NDE1: variants seen among roughly 807,000 people sequenced by gnomAD.
The protein encoded by NDE1 is nudE neurodevelopment protein 1, also known as nuclear distribution protein nudE homolog 1.
Under a neutral mutation model 43.4 loss-of-function variants are expected in NDE1, and 28 were observed. That is an observed-to-expected ratio of 0.65 (90% confidence interval 0.48 to 0.89). NDE1 has a LOEUF of 0.89. NDE1 is among the 40% of genes least tolerant of loss of function. NDE1 has a pLI of 0.00. For synonymous variants in NDE1, 184 were observed against 172.0 expected, an observed-to-expected ratio of 1.07 and a Z score of -0.55; for missense variants, 441 against 434.1, an observed-to-expected ratio of 1.02 and a Z score of -0.14.
intron 1 of NDE1, among the ~76,000 whole-genome samples, chr16:15,660,004 C>T (rs1261511348): frequency 6.6e-6 from 1 of 152,070 alleles, no homozygotes; most frequent in East Asian, 1.9e-4. Context: ...GCCTCGGCCT[C>T]CCAAAGTGCT....
chr16:15,670,819 GT>G (rs895290242), intron 3 of NDE1, among the ~76,000 whole-genome samples: 2 of 152,126 alleles, frequency 1.3e-5, no homozygotes, highest in Non-Finnish European at 2.9e-5. Flanking sequence ...AAGAATGGGT[GT>G]CGGGTGGACC....
chr16:15,713,672 G>C (rs558200913), intron 8 of NDE1: 14 of 152,380 alleles, frequency 9.2e-5, no homozygotes, highest in African/African-American at 3.4e-4. Context: ...ATTTTTGTTT[G>C]TTTGTTGTAG....
At chr16:15,719,647 T>C in intron 8 of NDE1, 1 of 1,614,238 alleles carries the variant, frequency 6.2e-7, no homozygotes, top group Non-Finnish European at 8.5e-7. Context: ...TCTTTGGCTG[T>C]GGCAAAGATC....
intron 6 of NDE1, among the ~76,000 whole-genome samples, chr16:15,692,463 G>A (rs1020697969): frequency 4.6e-5 from 7 of 152,184 alleles, no homozygotes; most frequent in African/African-American, 1.2e-4. Context: ...AGGCTGGAGT[G>A]CAATGGTGCG....
At chr16:15,698,764 G>C (rs1291008647) in intron 8 of NDE1, among the ~76,000 whole-genome samples, 2 of 151,784 alleles carry the variant, frequency 1.3e-5, no homozygotes, top group African/African-American at 2.4e-5. Flanking sequence ...GGGTGGCTGA[G>C]GCACAAGAAT....
chr16:15,698,593 T>C lies in NDE1; in HGVS notation c.947+1733T>C, dbSNP rs573036076. ...TTTAGGCCAGGTGCAGTGAAGTGGCTCACACCTGTAATCCCAGCACTTTGG... is the reference window on the plus strand; with the variant it reads ...TTTAGGCCAGGTGCAGTGAAGTGGCCCACACCTGTAATCCCAGCACTTTGG... On this transcript the variant is annotated intron_variant, in intron 8 of 8. Coordinates refer to ENST00000396354, the MANE Select transcript of NDE1 (RefSeq NM_017668.3). Among the ~76,000 whole-genome samples the C allele has an allele frequency of 2.6e-5, 4 of 152,232 alleles. No individual in the cohort carries two copies. The South Asian group carries it at 8.3e-4, about 32-fold the overall frequency.
In NDE1 at chr16:15,725,249, AT is replaced by A; in HGVS notation, c.*1001del. 1.7e-6 allele frequency: 1 copy of A among 596,504 alleles called. No individual in the cohort carries two copies. Among genetic ancestry groups the A allele is most frequent in the Non-Finnish European group, 3.0e-6 (1 of 337,800 alleles). The allele number at this position is 596,504 out of a possible 1,614,324, so 37.0% of individuals were successfully genotyped here. On this transcript the variant is annotated 3_prime_UTR_variant, in exon 9 of 9. Coordinates refer to ENST00000396354, the MANE Select transcript of NDE1 (RefSeq NM_017668.3). Reference sequence around the variant, plus strand: ...CTAGACTCTGTGGTTCTAAGAACTTATTTGAGCCCCAATGGTATTGACTGGG... The same window carrying A: ...CTAGACTCTGTGGTTCTAAGAACTTATTGAGCCCCAATGGTATTGACTGGG...
chr16:15,699,452 C>G (rs1302727960), intron 8 of NDE1: 5 of 834,680 alleles, frequency 6.0e-6, no homozygotes. Context: ...TTCATAGAGA[C>G]AGGGTCTCAC....
At chr16:15,696,684 G>A (rs370481581) in intron 7 of NDE1, 25 bp from the exon 8 acceptor site, 2 of 1,614,164 alleles carry the variant, frequency 1.2e-6, no homozygotes, top group South Asian at 1.1e-5. Context: ...TATAACTTGA[G>A]AGATAAAAGT....
chr16:15,712,093 G>A (rs1260307176), intron 8 of NDE1, among the ~76,000 whole-genome samples: 3 of 152,206 alleles, frequency 2.0e-5, no homozygotes, highest in African/African-American at 7.2e-5. Context: ...GGTTTGTGAT[G>A]TGAATTGTTG....
At chr16:15,665,850 G>A (rs1381157306) in intron 2 of NDE1, among the ~76,000 whole-genome samples, 1 of 151,162 alleles carries the variant, frequency 6.6e-6, no homozygotes, top group African/African-American at 2.4e-5. Context: ...TCCACCTCCT[G>A]GGTTCAATCG....
chr16:15,709,039 T>A (rs948082816), intron 8 of NDE1, among the ~76,000 whole-genome samples: 2 of 152,092 alleles, frequency 1.3e-5, no homozygotes, highest in South Asian at 2.1e-4. Context: ...ACGTCCTGGA[T>A]TCAAGTGATC....
At chr16:15,703,807 G>A (rs1596660436) in intron 8 of NDE1, 2 of 791,054 alleles carry the variant, frequency 2.5e-6, no homozygotes, top group East Asian at 2.6e-5. Context: ...AGGCTGGAGG[G>A]TGGTGGTTTT....
chr16:15,724,560 A>G lies in NDE1; in HGVS notation c.*309A>G, dbSNP rs1052436893. On this transcript the variant is annotated 3_prime_UTR_variant, in exon 9 of 9. Transcript: ENST00000396354. ...TGGGGGGTCAAGCACCATCGCACCA[A>G]CACTCCACCGCGATCTGCCTGCGGG... 2.9e-5 allele frequency: 46 copies of G among 1,608,486 alleles called. No homozygotes were observed. In the African/African-American group the frequency reaches 4.8e-4, roughly 17 times the overall value.
At chr16:15,721,118 C>G in intron 8 of NDE1, 2 of 1,554,132 alleles carry the variant, frequency 1.3e-6, no homozygotes, top group Non-Finnish European at 1.8e-6. Flanking sequence ...AGAAACCCAC[C>G]GTGAGCGGCA....
At chr16:15,646,764 G>A (rs1161003304), upstream of NDE1, among the ~76,000 whole-genome samples, 3 of 150,670 alleles carry the variant, frequency 2.0e-5, no homozygotes, top group African/African-American at 7.3e-5. Flanking sequence ...AAATTCCTAA[G>A]GGGAGGCTTG....
intron 8 of NDE1, among the ~76,000 whole-genome samples, chr16:15,709,257 C>G (rs1450917598): frequency 6.6e-6 from 1 of 151,710 alleles, no homozygotes; most frequent in Non-Finnish European, 1.5e-5. Context: ...ATTAAAAGCA[C>G]CCTTAAGTCA....
chr16:15,652,175 G>A lies in NDE1; in HGVS notation c.-44+1881G>A, dbSNP rs1372412166. 3 of 152,190 alleles carry A rather than the reference G, an allele frequency of 2.0e-5. No homozygotes were observed. The East Asian group carries it at 5.8e-4, about 29-fold the overall frequency. 9.4% of individuals were successfully genotyped at this position (152,190 alleles called of 1,614,324 possible). On this transcript the variant is annotated intron_variant, in intron 1 of 8. Transcript: ENST00000396354. Reference sequence around the variant, plus strand: ...AGCCTCCCAAAGTGTTGGGATTACAGGCATGAGCCACTGCACCCGACTCTA... The same window carrying A: ...AGCCTCCCAAAGTGTTGGGATTACAAGCATGAGCCACTGCACCCGACTCTA...
At chr16:15,713,430 G>A (rs1298536138) in intron 8 of NDE1, 2 of 152,242 alleles carry the variant, frequency 1.3e-5, no homozygotes, top group Non-Finnish European at 2.9e-5. Flanking sequence ...AGCAGAGAGT[G>A]AGAAGATGAG....
Sources: gnomAD v4.1 joint callset for allele counts (sites outside exome capture counted in the v4.1 genomes callset) on GRCh38, gnomAD v4.1.1 for gene constraint, MANE v1.5 for transcripts, NCBI Gene and HGNC (gene_info 2026-07-23, HGNC 2026-07-21) for gene names.